PHACTR1: variants seen among roughly 807,000 people sequenced by gnomAD.
PHACTR1 encodes the protein phosphatase and actin regulator 1.
PHACTR1 carries 16 observed loss-of-function variants against 69.2 expected under a neutral mutation model. The observed-to-expected ratio is 0.23, with a 90% CI of 0.16 to 0.35. The LOEUF is 0.35. PHACTR1 is among the 10% of genes least tolerant of loss of function. The pLI is 1.00. For missense variants in PHACTR1, 510 were observed against 734.7 expected (o/e 0.69, Z 3.54); for synonymous variants, 312 against 284.5 (o/e 1.10, Z -0.97).
intron 4 of PHACTR1, among the ~76,000 whole-genome samples, chr6:13,012,696 A>T (rs1409358023): frequency 6.6e-6 from 1 of 152,252 alleles, no homozygotes; most frequent in Non-Finnish European, 1.5e-5. Flanking sequence ...TTTTTAAAAT[A>T]AGCACACAAG....
At chr6:13,101,654 C>G (rs529223322) in intron 5 of PHACTR1, among the ~76,000 whole-genome samples, 18 of 152,308 alleles carry the variant, frequency 1.2e-4, no homozygotes, top group African/African-American at 4.1e-4. Context: ...GTACTCAAAA[C>G]AGTATATTGA....
intron 6 of PHACTR1, among the ~76,000 whole-genome samples, chr6:13,177,720 G>A (rs1002043622): frequency 6.6e-6 from 1 of 152,184 alleles, no homozygotes; most frequent in Non-Finnish European, 1.5e-5. Context: ...AAGCCACTTG[G>A]ACAAGGTCCA....
At chr6:13,174,735 C>G (rs1019072103) in intron 6 of PHACTR1, among the ~76,000 whole-genome samples, 1 of 145,484 alleles carries the variant, frequency 6.9e-6, no homozygotes, top group East Asian at 1.9e-4. Flanking sequence ...TCTCTCTCTC[C>G]CCCTCCCTCT....
chr6:12,862,517 T>C (rs1427319501), intron 4 of PHACTR1, among the ~76,000 whole-genome samples: 1 of 152,110 alleles, frequency 6.6e-6, no homozygotes, highest in Non-Finnish European at 1.5e-5. Flanking sequence ...ACTTACTGTT[T>C]AGGGCCACAT....
At chr6:12,985,539 A>AT (rs1298803313) in intron 4 of PHACTR1, among the ~76,000 whole-genome samples, 11,364 of 132,420 alleles carry the variant, frequency 0.086, 494 homozygotes, top group Middle Eastern at 0.15. Flanking sequence ...AAAAAAAAAA[A>AT]AAATATATAT....
chr6:13,009,863 AC>A (rs1799241520), intron 4 of PHACTR1, among the ~76,000 whole-genome samples: 4 of 382 alleles, frequency 0.01, no homozygotes. Flanking sequence ...CTACACTGCC[AC>A]CACCACCACC....
Position 12,995,495 on chromosome 6 carries a change from A to G in PHACTR1, c.251-57870A>G, listed in dbSNP as rs1797321850. ...TAAACCAAACTAGCATACCAATATTACTATTAAATAAAATAGATTTTAAAG... is the reference window on the plus strand; with the variant it reads ...TAAACCAAACTAGCATACCAATATTGCTATTAAATAAAATAGATTTTAAAG... On this transcript the variant is annotated intron_variant, in intron 4 of 14. Transcript: ENST00000332995. Among the ~76,000 whole-genome samples the G allele has an allele frequency of 2.6e-5, 4 of 152,198 alleles. No individual in the cohort carries two copies. The South Asian group carries it at 8.3e-4, about 32-fold the overall frequency.
chr6:13,171,870 G>A (rs1257637530), intron 6 of PHACTR1, among the ~76,000 whole-genome samples: 2 of 152,102 alleles, frequency 1.3e-5, no homozygotes, highest in Non-Finnish European at 2.9e-5. Flanking sequence ...GGGTTCAAGT[G>A]ATTCTCCTGC....
Position 13,160,182 on chromosome 6 carries a change from C to T in PHACTR1, c.416-22C>T, listed in dbSNP as rs533655350. ...TTTGTTACCTACTCACATCTGCCTC[C>T]CTGTTTGTCTTTTGTTTGTAGCCCT... On this transcript the variant is annotated intron_variant, in intron 5 of 14. Coordinates refer to ENST00000332995, the MANE Select transcript of PHACTR1 (RefSeq NM_030948.6). The T allele has an allele frequency of 2.5e-6, 4 of 1,607,290 alleles. No individual in the cohort carries two copies. The South Asian group carries it at 4.4e-5, about 18-fold the overall frequency.
At chr6:12,905,801 A>G (rs1251508872) in intron 4 of PHACTR1, among the ~76,000 whole-genome samples, 1 of 152,224 alleles carries the variant, frequency 6.6e-6, no homozygotes, top group Non-Finnish European at 1.5e-5. Context: ...CACCTTTTAT[A>G]CATTTAAGAT....
At chr6:13,008,039 C>T (rs1799016775) in intron 4 of PHACTR1, among the ~76,000 whole-genome samples, 2 of 152,256 alleles carry the variant, frequency 1.3e-5, no homozygotes, top group Non-Finnish European at 2.9e-5. Flanking sequence ...ACACAAAAAA[C>T]TGCTCACACA....
chr6:12,742,733 G>T (rs1765211433), intron 3 of PHACTR1, among the ~76,000 whole-genome samples: 1 of 152,062 alleles, frequency 6.6e-6, no homozygotes, highest in Non-Finnish European at 1.5e-5. Flanking sequence ...ACTGCTTCTG[G>T]TTGAATAGGG....
At chr6:13,002,315 T>C (rs1798186662) in intron 4 of PHACTR1, among the ~76,000 whole-genome samples, 1 of 152,250 alleles carries the variant, frequency 6.6e-6, no homozygotes, top group African/African-American at 2.4e-5. Flanking sequence ...ATGTCCACTT[T>C]TTTTTGGTTA....
intron 6 of PHACTR1, 71 bp downstream of exon 6, chr6:13,160,355 G>A: frequency 7.6e-7 from 1 of 1,310,944 alleles, no homozygotes. Context: ...ATTGCTTGGA[G>A]TTCCATTTCA....
chr6:13,096,077 ATGT>A (rs1414901382), intron 5 of PHACTR1, among the ~76,000 whole-genome samples: 2 of 151,900 alleles, frequency 1.3e-5, no homozygotes, highest in African/African-American at 4.8e-5. Flanking sequence ...ATCCCCACAG[ATGT>A]TGTTAACTTT....
chr6:12,802,261 A>G (rs532281096), intron 4 of PHACTR1, among the ~76,000 whole-genome samples: 2 of 145,264 alleles, frequency 1.4e-5, no homozygotes, highest in East Asian at 3.9e-4. Flanking sequence ...TTCCAACATA[A>G]TAACTTATTG....
At chr6:13,147,212 A>G (rs1326520725) in intron 5 of PHACTR1, among the ~76,000 whole-genome samples, 2 of 152,208 alleles carry the variant, frequency 1.3e-5, no homozygotes, top group Non-Finnish European at 2.9e-5. Flanking sequence ...ATTATTTCTC[A>G]TAATTCTCAG....
chr6:12,830,572 A>T (rs1295086427), intron 4 of PHACTR1, among the ~76,000 whole-genome samples: 1 of 147,602 alleles, frequency 6.8e-6, no homozygotes, highest in Non-Finnish European at 1.5e-5. Context: ...AGTAATACAT[A>T]TTTTTAATTT....
chr6:12,999,321 C>T (rs571061076), intron 4 of PHACTR1, among the ~76,000 whole-genome samples: 98 of 152,268 alleles, frequency 6.4e-4, no homozygotes, highest in African/African-American at 2.2e-3. Flanking sequence ...ACGTTGAGGC[C>T]GGGCATGGTG....
Sources: allele counts gnomAD v4.1 joint callset (sites outside exome capture counted in the v4.1 genomes callset), GRCh38; gene constraint gnomAD v4.1.1; transcripts MANE v1.5; gene names NCBI Gene and HGNC (gene_info 2026-07-23, HGNC 2026-07-21).